CNNM4: variants seen among roughly 807,000 people sequenced by gnomAD.
CNNM4 encodes the protein cyclin and CBS domain divalent metal cation transport mediator 4, also known as metal transporter CNNM4.
Under a neutral mutation model 53.7 loss-of-function variants are expected in CNNM4, and 32 were observed. That is an observed-to-expected ratio of 0.60 (90% CI 0.45 to 0.80). The LOEUF is 0.80. Ranked by LOEUF, CNNM4 falls within the 30% of genes least tolerant of loss-of-function variation. The pLI is 0.00. For synonymous variants in CNNM4, 410 were observed against 440.0 expected (o/e 0.93, Z 0.85); for missense variants, 784 against 1,022.0 (o/e 0.77, Z 3.17).
intron 1 of CNNM4, among the ~76,000 whole-genome samples, chr2:96,780,515 C>T (rs534842175): frequency 6.6e-6 from 1 of 151,924 alleles, no homozygotes; most frequent in South Asian, 2.1e-4. Flanking sequence ...CCGCCTTGGC[C>T]TCCCAAATTG....
rs1180586640 is a variant in CNNM4, at chr2:96,808,235, C to T, written c.1949-326C>T. 6.6e-6 allele frequency among the ~76,000 whole-genome samples: 1 copy of T among 152,148 alleles called. No individual in the cohort carries two copies. The highest frequency in any genetic ancestry group is 1.5e-5 in the Non-Finnish European group (1 of 68,024). On this transcript the variant is annotated intron_variant, in intron 5 of 6. Transcript: ENST00000377075. The surrounding 1 kb of genome is among the most constrained non-coding windows in gnomAD (Gnocchi z 4.9). ...CTGCTAGGATGATCATTGTGTTGCC[C>T]TTGACTGATTGGTTGTTGTGGGAAA...
At chr2:96,806,660 A>G (rs1015311878) in intron 5 of CNNM4, among the ~76,000 whole-genome samples, 1 of 152,222 alleles carries the variant, frequency 6.6e-6, no homozygotes, top group African/African-American at 2.4e-5. Flanking sequence ...TAATAGTTAA[A>G]TAAGCAAATC....
intron 1 of CNNM4, among the ~76,000 whole-genome samples, chr2:96,791,550 C>T (rs1003892249): frequency 8.6e-5 from 13 of 150,614 alleles, no homozygotes; most frequent in African/African-American, 3.2e-4. Flanking sequence ...GAAGAATCCA[C>T]TGCACTTGAG....
chr2:96,764,452 C>G (rs1224836490), intron 1 of CNNM4, among the ~76,000 whole-genome samples: 1 of 152,178 alleles, frequency 6.6e-6, no homozygotes, highest in Non-Finnish European at 1.5e-5. Context: ...CCCAGCACAG[C>G]AGGCCGCCCT....
At chr2:96,796,131 C>CTTTTTTTTTTTT (rs796494842) in intron 1 of CNNM4, among the ~76,000 whole-genome samples, 2 of 50,670 alleles carry the variant, frequency 3.9e-5, no homozygotes, top group African/African-American at 7.3e-5. Context: ...CAGACAGGGT[C>CTTTTTTTTTTTT]TTTTTTTTTT....
intron 1 of CNNM4, among the ~76,000 whole-genome samples, chr2:96,788,165 C>T (rs534141951): frequency 4.4e-4 from 67 of 152,206 alleles, no homozygotes; most frequent in Non-Finnish European, 7.8e-4. Flanking sequence ...TCAAGTGATC[C>T]GCCCATTTTG....
At chr2:96,765,908 C>T (rs1295836767) in intron 1 of CNNM4, among the ~76,000 whole-genome samples, 1 of 151,454 alleles carries the variant, frequency 6.6e-6, no homozygotes, top group Admixed American at 6.6e-5. Flanking sequence ...CTCAGCCTCC[C>T]GAGTAGCTGG....
At chr2:96,770,071 T>C (rs2078855544) in intron 1 of CNNM4, among the ~76,000 whole-genome samples, 1 of 152,210 alleles carries the variant, frequency 6.6e-6, no homozygotes, top group African/African-American at 2.4e-5. Flanking sequence ...ACCTCCTTCC[T>C]GGCTGGCCCC....
At chr2:96,805,418 GTTTTTTTTTTT>G (rs898761608) in intron 5 of CNNM4, among the ~76,000 whole-genome samples, 22 of 76,152 alleles carry the variant, frequency 2.9e-4, no homozygotes, top group Non-Finnish European at 5.0e-4. Context: ...CTTCTTTTCA[GTTTTTTTTTTT>G]TTTTTTTTTT....
Position 96,794,104 on chromosome 2 carries a change from G to A in CNNM4, c.1403-2908G>A, listed in dbSNP as rs774120792. 7.7e-4 allele frequency among the ~76,000 whole-genome samples: 117 copies of A among 152,232 alleles called. 2 individuals carry two copies. Among genetic ancestry groups the A allele is most frequent in the Admixed American group, 5.4e-3 (82 of 15,284 alleles). The stretch of plus-strand genomic sequence containing the variant: ...GAGAGGTTGTTTTCTGACTTTGGGG[G>A]TCTGAACAAGGTTCTGCTCACTGAA... On this transcript the variant is annotated intron_variant, in intron 1 of 6. Transcript: ENST00000377075.
chr2:96,774,052 GT>G (rs1216910932), intron 1 of CNNM4, among the ~76,000 whole-genome samples: 2 of 152,098 alleles, frequency 1.3e-5, no homozygotes, highest in Non-Finnish European at 2.9e-5. Flanking sequence ...CATTTACTTA[GT>G]TTTCCCCCCT....
At chr2:96,776,580 G>T (rs1301807521) in intron 1 of CNNM4, among the ~76,000 whole-genome samples, 1 of 152,082 alleles carries the variant, frequency 6.6e-6, no homozygotes, top group Non-Finnish European at 1.5e-5. Context: ...TCTTCTAAGT[G>T]TATATTTGTA....
At chr2:96,767,770 A>G (rs1204286828) in intron 1 of CNNM4, among the ~76,000 whole-genome samples, 1 of 152,158 alleles carries the variant, frequency 6.6e-6, no homozygotes, top group East Asian at 1.9e-4. Context: ...GAAAAGCTAG[A>G]AATATTTTCA....
chr2:96,797,534 G>A lies in CNNM4; in HGVS notation c.1568G>A (p.Arg523Gln), dbSNP rs750374054. The A allele has an allele frequency of 6.2e-5, 100 of 1,614,040 alleles. No homozygotes were observed. Among genetic ancestry groups the A allele is most frequent in the Admixed American group, 8.3e-5 (5 of 59,996 alleles). Residue 523 changes from arginine (R) to glutamine (Q), a missense_variant, in exon 3 of 7, where the codon CGG (arginine) becomes CAG (glutamine). Arg to Gln is a conservative substitution (Grantham distance 43). This residue lies in a region of CNNM4 where 307 missense variants were observed against 376.3 expected (regional missense o/e 0.82). Transcript: ENST00000377075. This position sits in a 1 kb window ranked among gnomAD's most constrained non-coding sequence, Gnocchi z 6.0. ...GCAGCTGACAACCGAAGCCGGAAGC[G>A]GGTGTCTGAGAAGAACAAGCGTGAC... ...DMYTDNRSRK[R>Q]VSEKNKRDFS... is the part of the protein sequence containing the mutation.
At chr2:96,777,325 C>T (rs1308295942) in intron 1 of CNNM4, among the ~76,000 whole-genome samples, 2 of 151,692 alleles carry the variant, frequency 1.3e-5, no homozygotes, top group Admixed American at 6.6e-5. Context: ...GGCCTGTTGC[C>T]TGTTTTCTAG....
chr2:96,779,017 C>T (rs1057096254), intron 1 of CNNM4, among the ~76,000 whole-genome samples: 5 of 151,890 alleles, frequency 3.3e-5, no homozygotes, highest in Admixed American at 6.6e-5. Flanking sequence ...AGTGCAGTGG[C>T]GCGATTTTGG....
At chr2:96,799,282 C>G in intron 4 of CNNM4, 56 bp downstream of exon 4, 1 of 1,600,030 alleles carries the variant, frequency 6.2e-7, no homozygotes, top group Non-Finnish European at 8.6e-7. Flanking sequence ...TGCAGCAACC[C>G]CCAGGCCCTC....
At chr2:96,792,689 A>C (rs2153348465) in intron 1 of CNNM4, among the ~76,000 whole-genome samples, 1 of 152,174 alleles carries the variant, frequency 6.6e-6, no homozygotes, top group Non-Finnish European at 1.5e-5. Context: ...CTGTAATCCC[A>C]GCTACTTGGC....
Position 96,797,302 on chromosome 2 carries a change from G to A in CNNM4, c.1546+147G>A. On this transcript the variant is annotated intron_variant, in intron 2 of 6. Transcript: ENST00000377075. The surrounding 1 kb of genome is among the most constrained non-coding windows in gnomAD (Gnocchi z 6.0). ...CTGGGTGCCCTGCACTGGCCGGGGTGAGCAGGGAGCAGGTTGCTGAGAGCA... is the reference window on the plus strand; with the variant it reads ...CTGGGTGCCCTGCACTGGCCGGGGTAAGCAGGGAGCAGGTTGCTGAGAGCA... 7.4e-7 allele frequency: 1 copy of A among 1,345,442 alleles called. No homozygotes were observed. Among genetic ancestry groups the A allele is most frequent in the Non-Finnish European group, 1.0e-6 (1 of 957,850 alleles). 83.3% of individuals were successfully genotyped at this position (1,345,442 alleles called of 1,614,324 possible). A position where few individuals can be genotyped will look rare whatever the true frequency, so the allele number is the denominator to read the frequency against.
Sources: gnomAD v4.1 joint callset for allele counts (sites outside exome capture counted in the v4.1 genomes callset) on GRCh38, gnomAD v4.1.1 for gene constraint, gnomAD v4.1.1 regional missense constraint, Gnocchi (gnomAD v3.1) non-coding constraint, MANE v1.5 for transcripts, NCBI Gene and HGNC (gene_info 2026-07-23, HGNC 2026-07-21) for gene names.